The following DPP10 variants were observed in gnomAD, a reference collection of about 807,000 sequenced individuals.
DPP10 encodes dipeptidyl peptidase like 10.
DPP10 carries 33 observed loss-of-function variants against 120.9 expected under a neutral mutation model. The ratio of observed to expected loss-of-function variants is 0.27; its 90% CI spans 0.21 to 0.37. The LOEUF (loss-of-function observed/expected upper bound fraction) is 0.37, where lower values mean the gene tolerates loss of function less well. DPP10 is among the 10% of genes least tolerant of loss of function. The pLI is 1.00. For missense variants in DPP10, 816 were observed against 942.8 expected, an observed-to-expected ratio of 0.87 and a Z score of 1.76; for synonymous variants, 337 against 326.1, an observed-to-expected ratio of 1.03 and a Z score of -0.36.
At chr2:114,876,811 C>A (rs866563040) in intron 1 of DPP10, among the ~76,000 whole-genome samples, 14 of 152,030 alleles carry the variant, frequency 9.2e-5, no homozygotes, top group Non-Finnish European at 1.8e-4. Flanking sequence ...CATTTGGAGT[C>A]ATGATCAGCT....
intron 3 of DPP10, among the ~76,000 whole-genome samples, chr2:115,344,227 C>G (rs1036469616): frequency 6.6e-6 from 1 of 151,032 alleles, no homozygotes; most frequent in Non-Finnish European, 1.5e-5. Context: ...AAATTAAAAC[C>G]TTGGTTCTTG....
At chr2:115,499,441 T>C in intron 3 of DPP10, 69 bp from the exon 4 acceptor site, 1 of 1,277,292 alleles carries the variant, frequency 7.8e-7, no homozygotes, top group Non-Finnish European at 1.1e-6. Context: ...TTTGCACGTT[T>C]TCTCCCCTAC....
At chr2:114,531,968 G>T (rs570636607) in intron 1 of DPP10, among the ~76,000 whole-genome samples, 4 of 151,876 alleles carry the variant, frequency 2.6e-5, no homozygotes, top group Non-Finnish European at 5.9e-5. Flanking sequence ...GTGGGTAGGC[G>T]TCATCTAATC....
intron 5 of DPP10, among the ~76,000 whole-genome samples, chr2:115,652,205 T>C (rs868314901): frequency 6.6e-6 from 1 of 152,018 alleles, no homozygotes; most frequent in Non-Finnish European, 1.5e-5. Flanking sequence ...ATTATACCAA[T>C]AAGTTTATGG....
chr2:114,613,646 A>T (rs909889691), intron 1 of DPP10, among the ~76,000 whole-genome samples: 1 of 152,172 alleles, frequency 6.6e-6, no homozygotes, highest in Non-Finnish European at 1.5e-5. Flanking sequence ...TCATTCTACG[A>T]TAAAGACAAG....
intron 3 of DPP10, among the ~76,000 whole-genome samples, chr2:115,414,995 A>C (rs894335565): frequency 5.3e-5 from 8 of 152,174 alleles, no homozygotes; most frequent in African/African-American, 1.9e-4. Flanking sequence ...CCGAGATTAA[A>C]TTTGAGCCAT....
intron 1 of DPP10, among the ~76,000 whole-genome samples, chr2:114,726,975 G>T (rs72830377): frequency 6.6e-6 from 1 of 152,230 alleles, no homozygotes; most frequent in South Asian, 2.1e-4. Flanking sequence ...TTCTCAGAGA[G>T]AGGAAGATGC....
intron 3 of DPP10, among the ~76,000 whole-genome samples, chr2:115,438,749 G>A (rs75799482): frequency 6.7e-6 from 1 of 149,834 alleles, no homozygotes; most frequent in African/African-American, 2.5e-5. Flanking sequence ...AGCACAATGT[G>A]GAATAGTGGC....
chr2:115,147,333 T>G (rs1264626982), intron 1 of DPP10, among the ~76,000 whole-genome samples: 1 of 152,054 alleles, frequency 6.6e-6, no homozygotes, highest in African/African-American at 2.4e-5. Context: ...GACATGTTTT[T>G]GTTGTGGCTT....
intron 1 of DPP10, among the ~76,000 whole-genome samples, chr2:114,866,590 C>A (rs1030769037): frequency 6.6e-6 from 1 of 152,048 alleles, no homozygotes; most frequent in Admixed American, 6.6e-5. Context: ...TATTTTTATT[C>A]CTATTTAATA....
At chr2:115,217,358 C>G (rs2056894243) in intron 1 of DPP10, among the ~76,000 whole-genome samples, 1 of 152,094 alleles carries the variant, frequency 6.6e-6, no homozygotes, top group Non-Finnish European at 1.5e-5. Context: ...AGAGTGCTCG[C>G]CACATAAGGC....
chr2:114,528,936 G>A (rs542579008), intron 1 of DPP10, among the ~76,000 whole-genome samples: 14 of 152,024 alleles, frequency 9.2e-5, no homozygotes, highest in Non-Finnish European at 1.9e-4. Context: ...TTGTCATTCT[G>A]TTTGACCCCT....
chr2:114,831,248 G>C (rs1434374365), intron 1 of DPP10, among the ~76,000 whole-genome samples: 1 of 151,882 alleles, frequency 6.6e-6, no homozygotes, highest in African/African-American at 2.4e-5. Flanking sequence ...TAACTTTAAA[G>C]ATAGTTTTCT....
At position 114,881,378 on chromosome 2, in the gene DPP10, A is replaced by T. The variant is rs761215424; in HGVS notation, c.61-427861A>T. ...CATTTGTTGTAACTGATTACATTGA[A>T]TCCACTCTGAGCCATTTGAACACCT... is the stretch of plus-strand genomic sequence containing the variant. On this transcript the variant is annotated intron_variant, in intron 1 of 25. Transcript: ENST00000410059. Among the ~76,000 whole-genome samples, 18 of 152,104 alleles carry T rather than the reference A, an allele frequency of 1.2e-4. 1 individual carries two copies. In the Middle Eastern group the frequency reaches 0.014, roughly 116 times the overall value.
chr2:114,904,227 G>A (rs1165725801), intron 1 of DPP10, among the ~76,000 whole-genome samples: 2 of 152,118 alleles, frequency 1.3e-5, no homozygotes, highest in Non-Finnish European at 2.9e-5. Flanking sequence ...GCCATGAAAA[G>A]AATTTGATAA....
At chr2:115,703,729 C>A (rs548030589) in intron 7 of DPP10, among the ~76,000 whole-genome samples, 2 of 152,128 alleles carry the variant, frequency 1.3e-5, no homozygotes, top group South Asian at 4.1e-4. Flanking sequence ...AATACCTCCA[C>A]AGCAACGTCT....
chr2:115,754,106 T>G (rs1679093511), intron 11 of DPP10, among the ~76,000 whole-genome samples: 2 of 152,148 alleles, frequency 1.3e-5, no homozygotes, highest in South Asian at 4.1e-4. Flanking sequence ...AAATCAACCT[T>G]GCTATGACTT....
intron 1 of DPP10, among the ~76,000 whole-genome samples, chr2:114,485,745 T>C (rs1681460208): frequency 6.6e-6 from 1 of 152,112 alleles, no homozygotes; most frequent in Non-Finnish European, 1.5e-5. Context: ...CCTTGCCTTA[T>C]TCTTCTGTGT....
At chr2:115,373,133 C>A (rs2421100) in intron 3 of DPP10, among the ~76,000 whole-genome samples, 102,303 of 152,052 alleles carry the variant, frequency 0.67, 34,786 homozygotes, top group Admixed American at 0.75. Flanking sequence ...CTTAGCTGAA[C>A]ATAGTAGGAA....
Sources: allele counts gnomAD v4.1 joint callset (sites outside exome capture counted in the v4.1 genomes callset), GRCh38; gene constraint gnomAD v4.1.1; transcripts MANE v1.5; gene names NCBI Gene and HGNC (gene_info 2026-07-23, HGNC 2026-07-21).